The following OTUD4 variants were observed in gnomAD, a reference collection of about 807,000 sequenced individuals.
The protein encoded by OTUD4 is OTU deubiquitinase 4.
OTUD4 carries 24 observed loss-of-function variants against 130.4 expected under a neutral mutation model. The ratio of observed to expected loss-of-function variants is 0.18; its 90% CI spans 0.13 to 0.26. The LOEUF (loss-of-function observed/expected upper bound fraction) is 0.26, where lower values mean the gene tolerates loss of function less well. Among genes scored for constraint, OTUD4 ranks in the 10% least tolerant of loss-of-function variants. The probability of loss-of-function intolerance (pLI) is 1.00; values close to 1 mark genes in which losing one functional copy is unlikely to be tolerated. For synonymous variants in OTUD4, 420 were observed against 472.5 expected (o/e 0.89, Z 1.44); for missense variants, 1,031 against 1,329.4 (o/e 0.78, Z 3.49).
chr4:145,179,047 T>C (rs1359756570), intron 1 of OTUD4, among the ~76,000 whole-genome samples: 4 of 152,014 alleles, frequency 2.6e-5, no homozygotes, highest in Non-Finnish European at 4.4e-5. Context: ...CAGTGTTATA[T>C]AACATGGAAT....
intron 7 of OTUD4, among the ~76,000 whole-genome samples, chr4:145,157,924 C>A (rs1420807263): frequency 2.0e-5 from 3 of 152,054 alleles, no homozygotes; most frequent in Non-Finnish European, 4.4e-5. Flanking sequence ...CAACAGCAAC[C>A]AAAGGGCATG....
At chr4:145,170,066 A>G (rs767614569) in intron 3 of OTUD4, among the ~76,000 whole-genome samples, 15 of 152,346 alleles carry the variant, frequency 9.8e-5, no homozygotes, top group Non-Finnish European at 2.1e-4. Context: ...TAGGATAACC[A>G]CTACTCTGAC....
chr4:145,154,728 A>G (rs919679102), intron 10 of OTUD4, among the ~76,000 whole-genome samples: 2 of 150,608 alleles, frequency 1.3e-5, no homozygotes, highest in African/African-American at 2.4e-5. Context: ...TGTCCTGTCC[A>G]TTGTAGAATG....
rs554005477 is a variant in OTUD4 at position 145,148,227 on chromosome 4, C to T, written c.1260-1798G>A. 5.3e-5 allele frequency among the ~76,000 whole-genome samples: 8 copies of T among 152,194 alleles called. No homozygotes were observed. The South Asian group carries it at 1.2e-3, about 24-fold the overall frequency. ...AACACTGTTGATTAGAGGCCGGGTG[C>T]GGTGGCTCACGCCTGTAATCCCAGC... On this transcript the variant is annotated intron_variant, in intron 13 of 20. Transcript: ENST00000447906.
At position 145,142,300 on chromosome 4, in the gene OTUD4, G is replaced by A. The variant is rs776105917; in HGVS notation, c.1718C>T (p.Ala573Val). 1 of 1,613,920 alleles carries A rather than the reference G, an allele frequency of 6.2e-7. No homozygotes were observed. The highest frequency in any genetic ancestry group is 1.7e-5 in the Admixed American group (1 of 60,020). ...PAEHVSLSNP[A>V]PLLVSPEVHL... ...TACCTCTGGAGAAACTAGAAGGGGA[G>A]CTGGATTTGACAAAGACACATGTTC... The change falls in exon 18 of 21, where the codon GCT (alanine) becomes GTT (valine). Residue 573 changes from alanine (A) to valine (V), a missense_variant. Physicochemically the swap from Ala to Val is moderately conservative, Grantham distance 64. Coordinates refer to ENST00000447906, the MANE Select transcript of OTUD4 (RefSeq NM_001366057.1).
chr4:145,144,100 T>A, intron 15 of OTUD4, 99 bp from the exon 16 acceptor site: 1 of 1,125,808 alleles, frequency 8.9e-7, no homozygotes, highest in Non-Finnish European at 1.3e-6. Context: ...AAAGTATTAT[T>A]TGAACCATGT....
intron 7 of OTUD4, among the ~76,000 whole-genome samples, chr4:145,156,681 C>T (rs1430596041): frequency 1.3e-5 from 2 of 149,266 alleles, no homozygotes; most frequent in Non-Finnish European, 3.0e-5. Context: ...GAAACTCCGT[C>T]TCAAAAAAAA....
chr4:145,162,830 A>C (rs1031740816), intron 5 of OTUD4, 109 bp from the exon 6 acceptor site: 14 of 547,078 alleles, frequency 2.6e-5, no homozygotes, highest in Non-Finnish European at 4.2e-5. Context: ...CCAAACAGAC[A>C]GTGAGTATTT....
chr4:145,141,727 A>C, intron 18 of OTUD4, 88 bp from the exon 19 acceptor site: 3 of 1,224,902 alleles, frequency 2.4e-6, no homozygotes, highest in Non-Finnish European at 3.3e-6. Context: ...AATGCTGTAT[A>C]ACTGATAAAG....
At chr4:145,160,430 T>G (rs902659906) in intron 6 of OTUD4, among the ~76,000 whole-genome samples, 21 of 152,334 alleles carry the variant, frequency 1.4e-4, no homozygotes, top group Admixed American at 1.1e-3. Flanking sequence ...GGGAAATATA[T>G]TTTAACAAAA....
Position 145,150,697 on chromosome 4 carries a change from C to G in OTUD4, c.1075G>C (p.Val359Leu). ...GGATTCTTTGGCCCTCTGTAATCCA[C>G]ATCTGTTGTAAGAACCCAAAAGTAC... is the stretch of plus-strand genomic sequence containing the variant. ...STSGQNFHSDVDYRGPKNPSK... is the reference protein window; with the variant it reads ...STSGQNFHSDLDYRGPKNPSK... Residue 359 changes from valine to leucine, a missense_variant and splice_region_variant, in exon 13 of 21, where the codon GTG (valine) becomes CTG (leucine). Around this residue, in one of 3 missense-constraint regions of OTUD4, gnomAD observed 900 missense variants for 1,095.9 expected, o/e 0.82. Coordinates refer to ENST00000447906, the MANE Select transcript of OTUD4 (RefSeq NM_001366057.1). The G allele has an allele frequency of 6.2e-7, 1 of 1,607,490 alleles. No individual in the cohort carries two copies. Among genetic ancestry groups the G allele is most frequent in the Non-Finnish European group, 8.5e-7 (1 of 1,174,414 alleles).
intron 7 of OTUD4, among the ~76,000 whole-genome samples, chr4:145,158,674 T>G (rs866184076): frequency 3.4e-4 from 52 of 152,204 alleles, no homozygotes; most frequent in Non-Finnish European, 3.8e-4. Flanking sequence ...ATGTATACTT[T>G]TAGCTTCAAT....
intron 19 of OTUD4, 27 bp downstream of exon 19, chr4:145,141,352 C>A (rs1560977510): frequency 1.9e-6 from 3 of 1,547,858 alleles, no homozygotes; most frequent in South Asian, 1.3e-5. Flanking sequence ...TTGATAAAGT[C>A]GATTTGAACT....
At chr4:145,160,672 G>A (rs1254793513) in intron 6 of OTUD4, among the ~76,000 whole-genome samples, 2 of 151,876 alleles carry the variant, frequency 1.3e-5, no homozygotes, top group Non-Finnish European at 2.9e-5. Context: ...AATTACCCAG[G>A]TGTGGTGGTG....
intron 14 of OTUD4, among the ~76,000 whole-genome samples, chr4:145,145,520 C>G (rs148586452): frequency 6.6e-6 from 1 of 152,004 alleles, no homozygotes; most frequent in African/African-American, 2.4e-5. Flanking sequence ...GGTAACCTCC[C>G]GTAACAGTCC....
intron 13 of OTUD4, among the ~76,000 whole-genome samples, chr4:145,148,928 A>G (rs1750942080): frequency 6.6e-6 from 1 of 152,198 alleles, no homozygotes; most frequent in Non-Finnish European, 1.5e-5. Context: ...TTCAGCCATA[A>G]CTAGTTGATT....
Position 145,137,755 on chromosome 4 carries a change from G to A in OTUD4, c.3020C>T (p.Pro1007Leu), listed in dbSNP as rs1395981315. The change falls in exon 21 of 21, where the codon CCT becomes CTT. Residue 1007 changes from proline (P) to leucine (L), a missense_variant. Transcript: ENST00000447906. ...TCTGCTATCAACAGAGTTGGCCCCA[G>A]GGCTGACCACATCAGCAGCAGTCTT... Reference protein sequence around the residue: ...DPKTAADVVSPGANSVDSRVQ... With the variant: ...DPKTAADVVSLGANSVDSRVQ... 1 of 1,613,960 alleles carries A rather than the reference G, an allele frequency of 6.2e-7. No individual in the cohort carries two copies. Among genetic ancestry groups the A allele is most frequent in the Non-Finnish European group, 8.5e-7 (1 of 1,179,950 alleles).
intron 13 of OTUD4, chr4:145,149,693 A>AG (rs1360805654): frequency 6.6e-6 from 1 of 152,264 alleles, no homozygotes; most frequent in Non-Finnish European, 1.5e-5. Context: ...TCACAAAAAA[A>AG]GGAACACCCA....
At chr4:145,165,335 T>C in intron 3 of OTUD4, 138 bp from the exon 4 acceptor site, 1 of 537,964 alleles carries the variant, frequency 1.9e-6, no homozygotes, top group Non-Finnish European at 3.4e-6. Flanking sequence ...GTGAATATTA[T>C]AAAAACGTTT....
Sources: gnomAD v4.1 joint callset for allele counts (sites outside exome capture counted in the v4.1 genomes callset) on GRCh38, gnomAD v4.1.1 for gene constraint, gnomAD v4.1.1 regional missense constraint, MANE v1.5 for transcripts, NCBI Gene and HGNC (gene_info 2026-07-23, HGNC 2026-07-21) for gene names.